The following PHLDB2 variants were observed in gnomAD, a reference collection of about 807,000 sequenced individuals.
The protein encoded by PHLDB2 is pleckstrin homology like domain family B member 2.
A neutral mutation model predicts 123.6 loss-of-function variants in PHLDB2; 71 were observed. That is an observed-to-expected ratio of 0.57 (90% CI 0.47 to 0.70). The LOEUF (loss-of-function observed/expected upper bound fraction) is 0.70. Among genes scored for constraint, PHLDB2 ranks in the 30% least tolerant of loss-of-function variants. The pLI is 0.00. For missense variants in PHLDB2, 1,446 were observed against 1,519.5 expected (o/e 0.95, Z 0.80); for synonymous variants, 547 against 541.6 (o/e 1.01, Z -0.14).
At chr3:111,825,746 C>G (rs888049272) in intron 1 of PHLDB2, among the ~76,000 whole-genome samples, 3 of 152,204 alleles carry the variant, frequency 2.0e-5, no homozygotes, top group Non-Finnish European at 2.9e-5. Flanking sequence ...CCTCACCATG[C>G]CTGCCCACAC....
At chr3:111,920,168 C>A in intron 4 of PHLDB2, 114 bp from the exon 5 acceptor site, 1 of 1,212,062 alleles carries the variant, frequency 8.3e-7, no homozygotes, top group Non-Finnish European at 1.1e-6. Context: ...CCCGATCTGG[C>A]TGCTACAGTA....
intron 1 of PHLDB2, among the ~76,000 whole-genome samples, chr3:111,844,386 G>C (rs2063842862): frequency 6.6e-6 from 1 of 152,108 alleles, no homozygotes; most frequent in South Asian, 2.1e-4. Flanking sequence ...CCCCACATCT[G>C]TTCTACTTTC....
Position 111,781,966 on chromosome 3 carries a change from A to G in PHLDB2, c.-49+49263A>G, listed in dbSNP as rs1001139619. ...AAACTACCTCAGTCATAGGGCCAGAATGCAACCTGCCTATTTTGAATTTGG... is the reference window on the plus strand; with the variant it reads ...AAACTACCTCAGTCATAGGGCCAGAGTGCAACCTGCCTATTTTGAATTTGG... On this transcript the variant is annotated intron_variant, in intron 1 of 17. Transcript: ENST00000393923. Among the ~76,000 whole-genome samples the G allele has an allele frequency of 5.3e-4, 80 of 152,068 alleles. 5 individuals carry two copies. Among genetic ancestry groups the G allele is most frequent in the East Asian group, 3.9e-4 (2 of 5,192 alleles).
chr3:111,951,277 T>C (rs1423131702), intron 10 of PHLDB2, among the ~76,000 whole-genome samples: 1 of 152,140 alleles, frequency 6.6e-6, no homozygotes, highest in Non-Finnish European at 1.5e-5. Context: ...TTCACCTCTC[T>C]GCCCCCTAGA....
chr3:111,793,661 C>T (rs2061026894), intron 1 of PHLDB2, among the ~76,000 whole-genome samples: 1 of 151,966 alleles, frequency 6.6e-6, no homozygotes, highest in African/African-American at 2.4e-5. Context: ...TCATCCAATG[C>T]CTGCAGCAAA....
chr3:111,969,680 A>C lies in PHLDB2; in HGVS notation c.3316-10A>C. ...TAGCTATAGATGCAATGGGTTTTGC[A>C]CTTTTCCAGGCTCGTCCTTTGACAC... On this transcript the variant is annotated splice_polypyrimidine_tract_variant and intron_variant, in intron 15 of 17. Coordinates refer to ENST00000431670, the MANE Select transcript of PHLDB2 (RefSeq NM_001134438.2). 1 of 1,611,892 alleles carries C rather than the reference A, an allele frequency of 6.2e-7. No homozygotes were observed. The highest frequency in any genetic ancestry group is 1.1e-5 in the South Asian group (1 of 90,966).
At chr3:111,901,218 G>A (rs1326889706) in intron 2 of PHLDB2, among the ~76,000 whole-genome samples, 1 of 151,984 alleles carries the variant, frequency 6.6e-6, no homozygotes, top group African/African-American at 2.4e-5. Context: ...AAATTAGCCA[G>A]ACGTGGTGGC....
At chr3:111,851,194 T>TAAAA (rs11309576) in intron 2 of PHLDB2, among the ~76,000 whole-genome samples, 2 of 103,654 alleles carry the variant, frequency 1.9e-5, no homozygotes, top group South Asian at 3.3e-4. Context: ...GATTCTGTCT[T>TAAAA]AAAAAAAAAA....
chr3:111,965,784 G>T (rs1471493413), intron 13 of PHLDB2, among the ~76,000 whole-genome samples: 1 of 152,178 alleles, frequency 6.6e-6, no homozygotes, highest in African/African-American at 2.4e-5. Flanking sequence ...CTCTTTTCCA[G>T]AACAGTCAAA....
intron 3 of PHLDB2, chr3:111,917,045 G>A (rs1377495492): frequency 1.3e-5 from 2 of 152,060 alleles, no homozygotes; most frequent in African/African-American, 4.8e-5. Flanking sequence ...CCACACCTTG[G>A]CTTTCTATTG....
chr3:111,850,098 T>G (rs2064184909), intron 2 of PHLDB2, among the ~76,000 whole-genome samples: 1 of 151,906 alleles, frequency 6.6e-6, no homozygotes. Flanking sequence ...CCTGACCTTG[T>G]GATCCACCCA....
In PHLDB2 at chr3:111,969,787, A is replaced by G; in HGVS notation, c.3413A>G (p.His1138Arg). 1.2e-6 allele frequency: 2 copies of G among 1,614,044 alleles called. No individual in the cohort carries two copies. The highest frequency in any genetic ancestry group is 8.5e-7 in the Non-Finnish European group (1 of 1,179,896). Residue 1138 changes from histidine (H) to arginine (R), a missense_variant, in exon 16 of 18, where the codon CAT becomes CGT. Transcript: ENST00000431670. ...TAGHNIDTCY[H>R]VSITEKTCRG... is the part of the protein sequence containing the mutation. ...GGCCACAATATTGACACCTGTTACC[A>G]TGTATCAATCACAGAGAAGACCTGC...
chr3:111,881,880 G>A lies in PHLDB2; in HGVS notation c.-14-2184G>A, dbSNP rs569585315. Among the ~76,000 whole-genome samples the A allele has an allele frequency of 1.1e-4, 17 of 151,544 alleles. No homozygotes were observed. In the South Asian group the frequency reaches 1.3e-3, roughly 11 times the overall value. ...ATTTATTGAAAAAAATGTTGCATGG[G>A]TAAGGGTACCCATGTAGTTCAATCC... is the stretch of plus-strand genomic sequence containing the variant. On this transcript the variant is annotated intron_variant, in intron 1 of 17. Transcript: ENST00000431670.
At chr3:111,749,702 T>G (rs1327699156) in intron 1 of PHLDB2, among the ~76,000 whole-genome samples, 3 of 152,220 alleles carry the variant, frequency 2.0e-5, no homozygotes, top group Non-Finnish European at 4.4e-5. Context: ...TAGTACTTTT[T>G]CATTTTCCCC....
At chr3:111,966,279 T>G (rs2071748173) in intron 13 of PHLDB2, among the ~76,000 whole-genome samples, 2 of 152,140 alleles carry the variant, frequency 1.3e-5, no homozygotes, top group Non-Finnish European at 2.9e-5. Context: ...GAGGAAGCAT[T>G]TAGAAGTCAC....
At chr3:111,916,152 T>G (rs1160119042) in intron 3 of PHLDB2, 4 of 152,194 alleles carry the variant, frequency 2.6e-5, no homozygotes, top group African/African-American at 9.7e-5. Flanking sequence ...ATGTTTTTAA[T>G]TGCTCAAGCG....
chr3:111,887,559 C>T (rs2066246521), intron 2 of PHLDB2, among the ~76,000 whole-genome samples: 2 of 152,134 alleles, frequency 1.3e-5, no homozygotes, highest in Admixed American at 1.3e-4. Flanking sequence ...TTTGCAAAAT[C>T]AGAGTTAGCT....
chr3:111,906,237 G>A (rs1279450115), intron 2 of PHLDB2, among the ~76,000 whole-genome samples: 1 of 152,180 alleles, frequency 6.6e-6, no homozygotes, highest in Non-Finnish European at 1.5e-5. Context: ...AAATGAAATA[G>A]CCTAACCTTG....
At chr3:111,808,146 T>C (rs1318228356) in intron 1 of PHLDB2, among the ~76,000 whole-genome samples, 2 of 152,070 alleles carry the variant, frequency 1.3e-5, no homozygotes, top group Admixed American at 6.6e-5. Context: ...TGTAAAACCA[T>C]TGTAAAGAAC....
Sources: allele counts gnomAD v4.1 joint callset (sites outside exome capture counted in the v4.1 genomes callset), GRCh38; gene constraint gnomAD v4.1.1; transcripts MANE v1.5; gene names NCBI Gene and HGNC (gene_info 2026-07-23, HGNC 2026-07-21).